The following BPHL variants were observed in gnomAD, a reference collection of about 807,000 sequenced individuals.
BPHL encodes the protein biphenyl hydrolase like, also known as serine hydrolase BPHL.
BPHL carries 27 observed loss-of-function variants against 31.2 expected under a neutral mutation model. That is an observed-to-expected ratio of 0.87 (90% CI 0.64 to 1.19). The LOEUF (loss-of-function observed/expected upper bound fraction) is 1.19, where lower values mean the gene tolerates loss of function less well. BPHL is among the 50% of genes most tolerant of loss of function. The pLI, the probability that BPHL is intolerant of heterozygous loss-of-function variation, is 0.00. For synonymous variants in BPHL, 150 were observed against 146.8 expected, an observed-to-expected ratio of 1.02 and a Z score of -0.16; for missense variants, 356 against 375.7, an observed-to-expected ratio of 0.95 and a Z score of 0.43.
intron 4 of BPHL, among the ~76,000 whole-genome samples, chr6:3,132,509 C>T (rs866591477): frequency 6.6e-6 from 1 of 152,138 alleles, no homozygotes. Context: ...TCCCAAACCC[C>T]ACATGTTCGA....
chr6:3,152,438 T>C, intron 6 of BPHL, 50 bp from the exon 7 acceptor site: 1 of 1,519,664 alleles, frequency 6.6e-7, no homozygotes, highest in South Asian at 1.1e-5. Context: ...GAGGGGTTTG[T>C]TCTTAAGTGG....
intron 4 of BPHL, among the ~76,000 whole-genome samples, chr6:3,133,385 A>G (rs1761927556): frequency 6.6e-6 from 1 of 151,978 alleles, no homozygotes. Context: ...TCTGCCTTCC[A>G]TGATGCTCTG....
intron 2 of BPHL, chr6:3,126,834 A>G (rs918560397): frequency 8.7e-5 from 13 of 148,588 alleles, no homozygotes; most frequent in African/African-American, 2.3e-4. Flanking sequence ...GCTCACTGCA[A>G]CCTCCGCCTC....
At chr6:3,139,253 T>C (rs1334314330) in intron 5 of BPHL, 2 of 152,240 alleles carry the variant, frequency 1.3e-5, no homozygotes, top group African/African-American at 2.4e-5. Flanking sequence ...ATTACTGTTA[T>C]TACAGAAGTC....
At chr6:3,151,821 T>C (rs2113782386) in intron 6 of BPHL, among the ~76,000 whole-genome samples, 1 of 152,334 alleles carries the variant, frequency 6.6e-6, no homozygotes, top group Non-Finnish European at 1.5e-5. Context: ...GAAGAAGCCT[T>C]ACGAGGACAG....
intron 3 of BPHL, among the ~76,000 whole-genome samples, chr6:3,127,930 C>T (rs1413215758): frequency 1.2e-4 from 18 of 152,040 alleles, no homozygotes; most frequent in Non-Finnish European, 7.4e-5. Flanking sequence ...AAACGATTCT[C>T]CTGCCTCAGC....
intron 4 of BPHL, among the ~76,000 whole-genome samples, chr6:3,130,942 T>G (rs1761853172): frequency 6.6e-6 from 1 of 152,114 alleles, no homozygotes; most frequent in South Asian, 2.1e-4. Context: ...GGTATCCATC[T>G]TGTGCACAGT....
chr6:3,142,001 T>G lies in BPHL; in HGVS notation c.788+1492T>G, dbSNP rs187932257. 1.2e-4 allele frequency among the ~76,000 whole-genome samples: 18 copies of G among 152,228 alleles called. No homozygotes were observed. In the East Asian group the frequency reaches 3.5e-3, roughly 29 times the overall value. On this transcript the variant is annotated intron_variant, in intron 6 of 6. Transcript: ENST00000380379. The stretch of plus-strand genomic sequence containing the variant: ...AATAAATAAATAAGTATAAATTTAT[T>G]TAGTAGCGAATAAAAGGTATTTTCA...
intron 6 of BPHL, among the ~76,000 whole-genome samples, chr6:3,143,462 A>G: frequency 6.6e-6 from 1 of 152,212 alleles, no homozygotes; most frequent in East Asian, 1.9e-4. Flanking sequence ...TATTTTAAGC[A>G]AAGAGGCCTT....
chr6:3,144,679 A>G (rs556145778), intron 6 of BPHL, among the ~76,000 whole-genome samples: 2 of 152,232 alleles, frequency 1.3e-5, no homozygotes, highest in Non-Finnish European at 2.9e-5. Context: ...GGTGTGAGCC[A>G]CTGCACCCAG....
chr6:3,142,120 TG>T (rs1762193299), intron 6 of BPHL, among the ~76,000 whole-genome samples: 2 of 151,960 alleles, frequency 1.3e-5, no homozygotes, highest in African/African-American at 4.8e-5. Flanking sequence ...AAGTTTTTTT[TG>T]TTTGTTTTTT....
intron 6 of BPHL, among the ~76,000 whole-genome samples, chr6:3,146,247 A>ATTCGGGTCGGAGTGCTGG (rs1270784220): frequency 1.7e-4 from 1 of 6,000 alleles, no homozygotes; most frequent in African/African-American, 6.2e-4. Flanking sequence ...TGGAGTGCTG[A>ATTCGGGTCGGAGTGCTGG]TTCGGGTCGG....
Position 3,152,473 on chromosome 6 carries a change from T to C in BPHL, c.789-15T>C. ...GTGGGCCATTGACCCAAAGTATTTT[T>C]AATTCCTTTTTTAGGCTGCATTTGA... is the stretch of plus-strand genomic sequence containing the variant. On this transcript the variant is annotated splice_polypyrimidine_tract_variant and intron_variant, in intron 6 of 6. Transcript: ENST00000380379. 1.2e-6 allele frequency: 2 copies of C among 1,612,102 alleles called. No individual in the cohort carries two copies.
chr6:3,120,932 C>T (rs1443278703), intron 1 of BPHL, among the ~76,000 whole-genome samples: 1 of 152,180 alleles, frequency 6.6e-6, no homozygotes, highest in African/African-American at 2.4e-5. Context: ...TCTGTTCAGC[C>T]ATGAGGTTAG....
intron 4 of BPHL, among the ~76,000 whole-genome samples, chr6:3,135,686 G>T (rs1359825618): frequency 6.6e-6 from 1 of 151,178 alleles, no homozygotes; most frequent in Non-Finnish European, 1.5e-5. Flanking sequence ...GTCTCTCTGC[G>T]TGGTGTTCTG....
chr6:3,130,329 C>T (rs1326975561), intron 4 of BPHL, among the ~76,000 whole-genome samples: 3 of 152,180 alleles, frequency 2.0e-5, no homozygotes, highest in African/African-American at 7.2e-5. Context: ...AGCAGGCACC[C>T]AGCCATGGAA....
At chr6:3,119,443 C>T in intron 1 of BPHL, 2 of 1,611,592 alleles carry the variant, frequency 1.2e-6, no homozygotes, top group Non-Finnish European at 1.7e-6. Flanking sequence ...AGGATCTGAT[C>T]TACATGTGTG....
intron 4 of BPHL, among the ~76,000 whole-genome samples, chr6:3,134,563 A>G (rs1355205619): frequency 4.1e-5 from 6 of 148,110 alleles, no homozygotes; most frequent in African/African-American, 1.5e-4. Context: ...CAGCCTCCCA[A>G]GTAGCTGGCA....
At chr6:3,129,366 G>T (rs1761806058) in intron 4 of BPHL, among the ~76,000 whole-genome samples, 168 bp downstream of exon 4, 1 of 152,272 alleles carries the variant, frequency 6.6e-6, no homozygotes, top group Non-Finnish European at 1.5e-5. Flanking sequence ...AGTTTAACCA[G>T]TCTGAGTTTT....
Sources: gnomAD v4.1 joint callset for allele counts (sites outside exome capture counted in the v4.1 genomes callset) on GRCh38, gnomAD v4.1.1 for gene constraint, MANE v1.5 for transcripts, NCBI Gene and HGNC (gene_info 2026-07-23, HGNC 2026-07-21) for gene names.